Variants in SH3RF3 observed in about 807,000 individuals in gnomAD.
SH3RF3 encodes the protein E3 ubiquitin-protein ligase SH3RF3.
A neutral mutation model predicts 66.3 loss-of-function variants in SH3RF3; 29 were observed. That is an observed-to-expected ratio of 0.44 (90% CI 0.33 to 0.60). SH3RF3 has a LOEUF of 0.60. Ranked by LOEUF, SH3RF3 falls within the 20% of genes least tolerant of loss-of-function variation. The pLI is 0.04. For synonymous variants in SH3RF3, 583 were observed against 532.0 expected, an observed-to-expected ratio of 1.10 and a Z score of -1.32; for missense variants, 1,194 against 1,190.9, an observed-to-expected ratio of 1.00 and a Z score of -0.04.
chr2:109,213,070 G>A (rs530858770), intron 1 of SH3RF3, among the ~76,000 whole-genome samples: 33 of 152,314 alleles, frequency 2.2e-4, no homozygotes, highest in African/African-American at 4.6e-4. Context: ...GGGAAGGCTC[G>A]GAGGAATCTG....
chr2:109,491,081 G>A (rs553246923), intron 9 of SH3RF3, 145 bp downstream of exon 9: 18 of 727,158 alleles, frequency 2.5e-5, no homozygotes, highest in East Asian at 6.2e-5. Flanking sequence ...ACATGGTCCC[G>A]AGCTTGGGTG....
chr2:109,160,278 G>A (rs1209351669), intron 1 of SH3RF3, among the ~76,000 whole-genome samples: 2 of 152,228 alleles, frequency 1.3e-5, no homozygotes, highest in African/African-American at 2.4e-5. Context: ...ACAGGCATGA[G>A]GTTGCTGCCC....
At chr2:109,213,825 G>T (rs1417998884) in intron 1 of SH3RF3, among the ~76,000 whole-genome samples, 1 of 152,206 alleles carries the variant, frequency 6.6e-6, no homozygotes, top group Non-Finnish European at 1.5e-5. Context: ...GGATGGGCTG[G>T]AAGGGCAGGG....
At chr2:109,174,033 A>G (rs932725485) in intron 1 of SH3RF3, among the ~76,000 whole-genome samples, 1 of 152,232 alleles carries the variant, frequency 6.6e-6, no homozygotes, top group Non-Finnish European at 1.5e-5. Flanking sequence ...CAGAGAACAC[A>G]CAGCAGTGCG....
intron 1 of SH3RF3, among the ~76,000 whole-genome samples, chr2:109,290,565 G>A (rs1574553362): frequency 1.3e-5 from 2 of 152,110 alleles, no homozygotes; most frequent in Admixed American, 1.3e-4. Flanking sequence ...CCTTTGGCCC[G>A]CCCAATGCCT....
At chr2:109,348,676 T>C (rs1396699622) in intron 2 of SH3RF3, among the ~76,000 whole-genome samples, 2 of 152,136 alleles carry the variant, frequency 1.3e-5, no homozygotes, top group African/African-American at 2.4e-5. Flanking sequence ...GTTTTCTCCA[T>C]GTGTAAACCA....
chr2:109,408,591 G>C (rs1676508339), intron 4 of SH3RF3, among the ~76,000 whole-genome samples: 1 of 152,254 alleles, frequency 6.6e-6, no homozygotes, highest in African/African-American at 2.4e-5. Context: ...CAGCCCGTGA[G>C]CTTCGCTGCG....
intron 1 of SH3RF3, among the ~76,000 whole-genome samples, chr2:109,333,498 ATAGCATACCCCACCTGTTTG>A (rs1255509006): frequency 6.6e-6 from 1 of 152,256 alleles, no homozygotes; most frequent in African/African-American, 2.4e-5. Context: ...GGTTTCACGT[ATAGCATACCCCACCTGTTTG>A]TGTAAGTAAA....
intron 8 of SH3RF3, among the ~76,000 whole-genome samples, chr2:109,481,062 T>C (rs1000753264): frequency 6.6e-6 from 1 of 152,216 alleles, no homozygotes; most frequent in African/African-American, 2.4e-5. Context: ...ACAGGCAGCC[T>C]GAGGGCATTT....
intron 9 of SH3RF3, among the ~76,000 whole-genome samples, chr2:109,499,389 TCCA>T (rs1679333555): frequency 6.6e-6 from 1 of 152,102 alleles, no homozygotes; most frequent in Non-Finnish European, 1.5e-5. Flanking sequence ...TGCCACAAAA[TCCA>T]CCACATGTGG....
chr2:109,255,062 A>G (rs1017341675), intron 1 of SH3RF3, among the ~76,000 whole-genome samples: 1 of 152,140 alleles, frequency 6.6e-6, no homozygotes, highest in African/African-American at 2.4e-5. Flanking sequence ...CAGTCCTCCT[A>G]AGGCTAAAAG....
chr2:109,159,039 C>A (rs1677419771), intron 1 of SH3RF3, among the ~76,000 whole-genome samples: 1 of 152,214 alleles, frequency 6.6e-6, no homozygotes, highest in Admixed American at 6.5e-5. Flanking sequence ...ATTGGTTGAA[C>A]CCAGGAGGCA....
intron 1 of SH3RF3, among the ~76,000 whole-genome samples, chr2:109,305,773 A>G (rs372899456): frequency 6.6e-6 from 1 of 152,220 alleles, no homozygotes; most frequent in African/African-American, 2.4e-5. Flanking sequence ...CCTGAGACAG[A>G]TGCCACAAAA....
chr2:109,371,321 C>T (rs1393876891), intron 2 of SH3RF3, among the ~76,000 whole-genome samples: 7 of 152,210 alleles, frequency 4.6e-5, no homozygotes, highest in African/African-American at 7.2e-5. Flanking sequence ...ACCCCGGAGG[C>T]GGAGGCTGCA....
intron 1 of SH3RF3, among the ~76,000 whole-genome samples, chr2:109,225,748 T>G (rs1255351349): frequency 6.6e-6 from 1 of 152,224 alleles, no homozygotes; most frequent in African/African-American, 2.4e-5. Flanking sequence ...TTTTTATAAG[T>G]TAGTTTCAAG....
At chr2:109,158,428 C>T (rs1345967424) in intron 1 of SH3RF3, among the ~76,000 whole-genome samples, 1 of 152,252 alleles carries the variant, frequency 6.6e-6, no homozygotes, top group African/African-American at 2.4e-5. Flanking sequence ...CATTGGGCAC[C>T]ATCCTGGGGG....
chr2:109,488,661 C>T (rs1679045389), intron 8 of SH3RF3, among the ~76,000 whole-genome samples: 2 of 152,200 alleles, frequency 1.3e-5, no homozygotes, highest in Non-Finnish European at 2.9e-5. Flanking sequence ...TTCCTGGGAA[C>T]ACTCTCCCTC....
intron 1 of SH3RF3, among the ~76,000 whole-genome samples, chr2:109,135,611 A>G (rs1041198401): frequency 6.6e-6 from 1 of 152,056 alleles, no homozygotes; most frequent in Non-Finnish European, 1.5e-5. Context: ...GATTTGTGGT[A>G]TTTAGTATTC....
chr2:109,161,079 G>A (rs1232294710), intron 1 of SH3RF3, among the ~76,000 whole-genome samples: 1 of 152,182 alleles, frequency 6.6e-6, no homozygotes, highest in Admixed American at 6.5e-5. Context: ...TGATCACAAG[G>A]CAATCGACTG....
Sources: gnomAD v4.1 joint callset for allele counts (sites outside exome capture counted in the v4.1 genomes callset) on GRCh38, gnomAD v4.1.1 for gene constraint, MANE v1.5 for transcripts, NCBI Gene and HGNC (gene_info 2026-07-23, HGNC 2026-07-21) for gene names.